The following IL5RA variants were observed in gnomAD, a reference collection of about 807,000 sequenced individuals.
IL5RA encodes interleukin 5 receptor subunit alpha.
IL5RA carries 49 observed loss-of-function variants against 50.0 expected under a neutral mutation model. The observed-to-expected ratio is 0.98, with a 90% CI of 0.78 to 1.24. IL5RA has a LOEUF of 1.24. Among genes scored for constraint, IL5RA ranks in the 50% most tolerant of loss-of-function variants. The probability of loss-of-function intolerance (pLI) is 0.00; values close to 1 mark genes in which losing one functional copy is unlikely to be tolerated. For missense variants in IL5RA, 600 were observed against 500.4 expected (o/e 1.20, Z -1.90); for synonymous variants, 202 against 174.0 (o/e 1.16, Z -1.26).
intron 9 of IL5RA, among the ~76,000 whole-genome samples, chr3:3,088,746 A>G (rs1702974450): frequency 6.6e-6 from 1 of 152,226 alleles, no homozygotes; most frequent in Admixed American, 6.5e-5. Flanking sequence ...CTTAGACAGC[A>G]TTTTAAAATC....
intron 9 of IL5RA, among the ~76,000 whole-genome samples, chr3:3,077,446 T>G (rs1454908401): frequency 6.6e-6 from 1 of 152,156 alleles, no homozygotes; most frequent in Non-Finnish European, 1.5e-5. Flanking sequence ...GGTGTGTAAT[T>G]TTTCTTTTAA....
At chr3:3,086,166 C>CAA (rs1256538089) in intron 9 of IL5RA, among the ~76,000 whole-genome samples, 1 of 152,196 alleles carries the variant, frequency 6.6e-6, no homozygotes, top group Non-Finnish European at 1.5e-5. Flanking sequence ...TGATCCTGAC[C>CAA]AAAGACACGG....
At chr3:3,083,201 C>G (rs553840230) in intron 9 of IL5RA, among the ~76,000 whole-genome samples, 2 of 152,300 alleles carry the variant, frequency 1.3e-5, no homozygotes, top group South Asian at 4.2e-4. Flanking sequence ...AAGTCAGGAG[C>G]AGACCTTTTG....
At chr3:3,103,650 T>G (rs906416630) in intron 3 of IL5RA, among the ~76,000 whole-genome samples, 2 of 152,362 alleles carry the variant, frequency 1.3e-5, no homozygotes, top group East Asian at 3.9e-4. Context: ...CTTTCAAAAT[T>G]AAAGCTTTTG....
chr3:3,078,690 A>G (rs1008838241), intron 9 of IL5RA, among the ~76,000 whole-genome samples: 2 of 152,082 alleles, frequency 1.3e-5, no homozygotes, highest in African/African-American at 4.8e-5. Context: ...AAAAATTAGC[A>G]GGGCATGCTG....
At chr3:3,087,014 G>C (rs1247609930) in intron 9 of IL5RA, among the ~76,000 whole-genome samples, 2 of 152,092 alleles carry the variant, frequency 1.3e-5, no homozygotes, top group Non-Finnish European at 2.9e-5. Context: ...GCTAAGCTTT[G>C]GGTACACAGA....
chr3:3,107,598 G>A lies in IL5RA; in HGVS notation c.-4+952C>T, dbSNP rs185411363. On this transcript the variant is annotated intron_variant, in intron 2 of 11. Coordinates refer to ENST00000446632, the MANE Select transcript of IL5RA (RefSeq NM_175726.4). The stretch of plus-strand genomic sequence containing the variant: ...AACCATTAAATTGTTAAAATAAGAT[G>A]CAAACTAAGCAGAATGAAGCAACTA... 7.2e-4 allele frequency among the ~76,000 whole-genome samples: 109 copies of A among 151,368 alleles called. 1 individual carries two copies. The highest frequency in any genetic ancestry group is 5.8e-4 in the African/African-American group (24 of 41,456).
At chr3:3,101,350 C>T (rs2125983322) in intron 5 of IL5RA, among the ~76,000 whole-genome samples, 1 of 152,222 alleles carries the variant, frequency 6.6e-6, no homozygotes. Context: ...CCCACATGTC[C>T]CAGGACTTGG....
At chr3:3,071,159 G>T (rs538447692) in intron 11 of IL5RA, among the ~76,000 whole-genome samples, 1 of 152,240 alleles carries the variant, frequency 6.6e-6, no homozygotes, top group Non-Finnish European at 1.5e-5. Flanking sequence ...TTTACTATCT[G>T]CTCCACACTA....
At chr3:3,102,632 A>G (rs747958223) in intron 4 of IL5RA, 43 bp downstream of exon 4, 15 of 1,355,438 alleles carry the variant, frequency 1.1e-5, no homozygotes, top group African/African-American at 1.0e-4. Context: ...GTCAAAATGC[A>G]TATTTATTCT....
chr3:3,086,883 G>A (rs1702885890), intron 9 of IL5RA, among the ~76,000 whole-genome samples: 1 of 152,176 alleles, frequency 6.6e-6, no homozygotes, highest in Admixed American at 6.5e-5. Flanking sequence ...CTACTCAGCT[G>A]TACAAAAAGA....
chr3:3,072,683 G>A (rs1007002854), intron 11 of IL5RA, among the ~76,000 whole-genome samples: 1 of 152,172 alleles, frequency 6.6e-6, no homozygotes, highest in Admixed American at 6.5e-5. Flanking sequence ...ACTTTGGGAA[G>A]GCTGGATCAC....
At position 3,070,287 on chromosome 3, in the gene IL5RA, T is replaced by C; in HGVS notation, c.1201A>G (p.Ile401Val). The change falls in exon 12 of 12, where the codon ATT (isoleucine) becomes GTT (valine). Residue 401 changes from isoleucine (I) to valine (V), a missense_variant. Coordinates refer to ENST00000446632, the MANE Select transcript of IL5RA (RefSeq NM_175726.4). ...YEKAGSSETE[I>V]EVICYIEKPG... ...TTCTCTATATAACAGATGACTTCAATTTCCGTCTCACTGGACCCAGCTTTC... is the reference window on the plus strand; with the variant it reads ...TTCTCTATATAACAGATGACTTCAACTTCCGTCTCACTGGACCCAGCTTTC... The C allele has an allele frequency of 6.2e-7, 1 of 1,613,226 alleles. No homozygotes were observed. Among genetic ancestry groups the C allele is most frequent in the Non-Finnish European group, 8.5e-7 (1 of 1,179,386 alleles).
At chr3:3,108,194 A>T (rs752200880) in intron 2 of IL5RA, among the ~76,000 whole-genome samples, 42 of 152,350 alleles carry the variant, frequency 2.8e-4, no homozygotes, top group Admixed American at 5.2e-4. Flanking sequence ...AAACCAAGGT[A>T]TAAACTGCAA....
chr3:3,093,527 A>G (rs1703225936), intron 8 of IL5RA, among the ~76,000 whole-genome samples: 1 of 152,218 alleles, frequency 6.6e-6, no homozygotes, highest in Admixed American at 6.5e-5. Context: ...TCTATGGTAG[A>G]TTAGACATTA....
chr3:3,093,515 A>G (rs572344451), intron 8 of IL5RA, among the ~76,000 whole-genome samples: 1 of 152,368 alleles, frequency 6.6e-6, no homozygotes, highest in Admixed American at 6.5e-5. Context: ...CAAAAGCACC[A>G]ATCTATGGTA....
chr3:3,107,171 G>C, intron 2 of IL5RA, among the ~76,000 whole-genome samples: 1 of 151,942 alleles, frequency 6.6e-6, no homozygotes, highest in East Asian at 1.9e-4. Flanking sequence ...TTTAAAAAGA[G>C]GTGCTTTTGA....
At chr3:3,091,857 T>G (rs997106256) in intron 9 of IL5RA, 3 of 397,578 alleles carry the variant, frequency 7.5e-6, no homozygotes, top group Admixed American at 5.7e-5. Context: ...ATGTTACCCT[T>G]GAGGAAAACT....
At chr3:3,085,958 A>G (rs539770621) in intron 9 of IL5RA, among the ~76,000 whole-genome samples, 67 of 150,300 alleles carry the variant, frequency 4.5e-4, no homozygotes, top group African/African-American at 1.6e-3. Flanking sequence ...CTGTGACCTC[A>G]TGAATGAGTG....
Sources: gnomAD v4.1 joint callset for allele counts (sites outside exome capture counted in the v4.1 genomes callset) on GRCh38, gnomAD v4.1.1 for gene constraint, MANE v1.5 for transcripts, NCBI Gene and HGNC (gene_info 2026-07-23, HGNC 2026-07-21) for gene names.